Variants in UBE2E2 observed in about 807,000 individuals in gnomAD.
The protein encoded by UBE2E2 is ubiquitin-conjugating enzyme E2 E2.
A neutral mutation model predicts 24.7 loss-of-function variants in UBE2E2; 6 were observed. The ratio of observed to expected loss-of-function variants is 0.24; its 90% CI spans 0.13 to 0.48. The LOEUF is 0.48. UBE2E2 is among the 20% of genes least tolerant of loss of function. The pLI is 0.99. For missense variants in UBE2E2, 169 were observed against 245.0 expected, an observed-to-expected ratio of 0.69 and a Z score of 2.07; for synonymous variants, 104 against 83.6, an observed-to-expected ratio of 1.24 and a Z score of -1.33.
intron 3 of UBE2E2, among the ~76,000 whole-genome samples, chr3:23,234,005 A>G (rs1021485579): frequency 2.0e-5 from 3 of 152,116 alleles, no homozygotes; most frequent in African/African-American, 7.2e-5. Context: ...CAATTATCCT[A>G]AATTGATTTT....
rs1023946768 is a variant in UBE2E2, at chr3:23,590,551, C to T, written c.*720C>T. 6.6e-6 allele frequency: 1 copy of T among 152,664 alleles called. No homozygotes were observed. Among genetic ancestry groups the T allele is most frequent in the Non-Finnish European group, 1.5e-5 (1 of 68,050 alleles). The allele number at this position is 152,664 out of a possible 1,614,324, so 9.5% of individuals were successfully genotyped here. Reference sequence around the variant, plus strand: ...GATGTACACTTGTATTATTAAAGCACTCAATAAATCACTGTGGCTGATAAC... The same window carrying T: ...GATGTACACTTGTATTATTAAAGCATTCAATAAATCACTGTGGCTGATAAC... On this transcript the variant is annotated 3_prime_UTR_variant, in exon 6 of 6. Transcript: ENST00000396703.
intron 3 of UBE2E2, among the ~76,000 whole-genome samples, chr3:23,335,200 A>C (rs4858504): frequency 0.45 from 68,751 of 151,900 alleles, 15,910 homozygotes; most frequent in Admixed American, 0.56. Context: ...AGAGAAAGGA[A>C]TATTACCATC....
At chr3:23,560,295 C>G (rs1347102014) in intron 5 of UBE2E2, among the ~76,000 whole-genome samples, 2 of 150,124 alleles carry the variant, frequency 1.3e-5, no homozygotes, top group East Asian at 3.9e-4. Flanking sequence ...CAATTCCCAC[C>G]TATGAGTGAG....
intron 3 of UBE2E2, among the ~76,000 whole-genome samples, chr3:23,345,913 C>T (rs1054268229): frequency 2.0e-5 from 3 of 152,138 alleles, no homozygotes; most frequent in South Asian, 4.1e-4. Flanking sequence ...GATAAACTGA[C>T]ACCACACTGT....
intron 3 of UBE2E2, among the ~76,000 whole-genome samples, chr3:23,365,987 A>G (rs529453248): frequency 4.6e-5 from 7 of 152,140 alleles, no homozygotes; most frequent in East Asian, 1.9e-4. Context: ...ATCTTTGACA[A>G]AGTCGACAAA....
intron 3 of UBE2E2, among the ~76,000 whole-genome samples, chr3:23,258,664 C>T (rs891508590): frequency 3.3e-5 from 5 of 151,996 alleles, no homozygotes; most frequent in South Asian, 2.1e-4. Context: ...GAGGCCGAGG[C>T]GGGCAGATCA....
rs1422821391 is a variant in UBE2E2, at chr3:23,203,475, G to C, written c.-9+11G>C. 2.1e-6 allele frequency: 2 copies of C among 946,090 alleles called. No homozygotes were observed. The highest frequency in any genetic ancestry group is 2.4e-6 in the Non-Finnish European group (2 of 819,966). The allele number at this position is 946,090 out of a possible 1,614,324, so 58.6% of individuals were successfully genotyped here. ...ACACCCCCCCCTCAGGTATTCGCTC[G>C]GGCCGCGCCGGTGCCTCCCCTCCTC... On this transcript the variant is annotated intron_variant, in intron 1 of 5. Transcript: ENST00000396703.
intron 3 of UBE2E2, among the ~76,000 whole-genome samples, chr3:23,432,603 G>A (rs1484662741): frequency 3.3e-5 from 5 of 151,642 alleles, no homozygotes; most frequent in East Asian, 1.9e-4. Flanking sequence ...TTACTTTCTC[G>A]TCTCAAGTTC....
chr3:23,404,664 T>C (rs557340285), intron 3 of UBE2E2, among the ~76,000 whole-genome samples: 2 of 152,328 alleles, frequency 1.3e-5, no homozygotes, highest in African/African-American at 2.4e-5. Context: ...TACCTTCTTT[T>C]TGCATAGCTT....
At chr3:23,236,666 T>A (rs1158230955) in intron 3 of UBE2E2, among the ~76,000 whole-genome samples, 1 of 152,126 alleles carries the variant, frequency 6.6e-6, no homozygotes, top group Non-Finnish European at 1.5e-5. Flanking sequence ...CGACATATAT[T>A]CTTCTTCATT....
chr3:23,477,243 A>G lies in UBE2E2; in HGVS notation c.228-22365A>G, dbSNP rs555629986. 8.5e-5 allele frequency among the ~76,000 whole-genome samples: 13 copies of G among 152,342 alleles called. No individual in the cohort carries two copies. The East Asian group carries it at 1.5e-3, about 18-fold the overall frequency. ...CACTTCACAGAGAAAGCAATTTATC[A>G]TGTGTGAATACATTTTTAGGAGCTT... On this transcript the variant is annotated intron_variant, in intron 3 of 5. Transcript: ENST00000396703.
chr3:23,354,220 T>A (rs1302276947), intron 3 of UBE2E2, among the ~76,000 whole-genome samples: 2 of 151,982 alleles, frequency 1.3e-5, no homozygotes, highest in African/African-American at 4.8e-5. Context: ...TCCTTACACC[T>A]TATACAAAAA....
chr3:23,311,182 T>C (rs544654304), intron 3 of UBE2E2, among the ~76,000 whole-genome samples: 150 of 152,332 alleles, frequency 9.8e-4, no homozygotes, highest in Admixed American at 1.7e-3. Context: ...GCAAAGGACA[T>C]GAACTCATCC....
intron 3 of UBE2E2, among the ~76,000 whole-genome samples, chr3:23,301,315 T>C (rs1252362769): frequency 6.6e-6 from 1 of 152,240 alleles, no homozygotes; most frequent in African/African-American, 2.4e-5. Flanking sequence ...AGCTTTGTTC[T>C]GTTGCTGGTG....
intron 3 of UBE2E2, among the ~76,000 whole-genome samples, chr3:23,366,292 C>G (rs1259090718): frequency 6.6e-6 from 1 of 152,144 alleles, no homozygotes; most frequent in Non-Finnish European, 1.5e-5. Flanking sequence ...ACCATTCAAC[C>G]CAGCAATCCC....
At position 23,362,315 on chromosome 3, in the gene UBE2E2, A is replaced by T. The variant is rs529807673; in HGVS notation, c.228-137293A>T. ...GAGTGTGAGCTTCCTGGGGGAGCACATCCCCCTGCGCTTATAGGCTGAAGC... is the reference window on the plus strand; with the variant it reads ...GAGTGTGAGCTTCCTGGGGGAGCACTTCCCCCTGCGCTTATAGGCTGAAGC... On this transcript the variant is annotated intron_variant, in intron 3 of 5. Coordinates refer to ENST00000396703, the MANE Select transcript of UBE2E2 (RefSeq NM_152653.4). Among the ~76,000 whole-genome samples, 3 of 152,280 alleles carry T rather than the reference A, an allele frequency of 2.0e-5. No individual in the cohort carries two copies. The South Asian group carries it at 6.2e-4, about 32-fold the overall frequency.
At chr3:23,467,829 G>A (rs1166005746) in intron 3 of UBE2E2, among the ~76,000 whole-genome samples, 1 of 152,176 alleles carries the variant, frequency 6.6e-6, no homozygotes, top group African/African-American at 2.4e-5. Context: ...GAGGCCTCAG[G>A]AAACTTACAA....
intron 3 of UBE2E2, among the ~76,000 whole-genome samples, chr3:23,429,905 G>T (rs1698016737): frequency 6.6e-6 from 1 of 152,188 alleles, no homozygotes; most frequent in African/African-American, 2.4e-5. Context: ...ATTTGAGATG[G>T]AGTCTCGGCC....
chr3:23,524,044 G>A (rs987608442), intron 4 of UBE2E2, among the ~76,000 whole-genome samples: 1 of 151,860 alleles, frequency 6.6e-6, no homozygotes, highest in African/African-American at 2.4e-5. Flanking sequence ...TAAAAGCAAG[G>A]CACCATTTAT....
Sources: gnomAD v4.1 joint callset for allele counts (sites outside exome capture counted in the v4.1 genomes callset) on GRCh38, gnomAD v4.1.1 for gene constraint, MANE v1.5 for transcripts, NCBI Gene and HGNC (gene_info 2026-07-23, HGNC 2026-07-21) for gene names.